The following ARHGAP21 variants were observed in gnomAD, a reference collection of about 807,000 sequenced individuals.
The protein encoded by ARHGAP21 is rho GTPase-activating protein 21.
A neutral mutation model predicts 164.6 loss-of-function variants in ARHGAP21; 38 were observed. The ratio of observed to expected loss-of-function variants is 0.23; its 90% confidence interval spans 0.18 to 0.30. The LOEUF (loss-of-function observed/expected upper bound fraction) is 0.30. ARHGAP21 is among the 10% of genes least tolerant of loss of function. ARHGAP21 has a pLI of 1.00. For missense variants in ARHGAP21, 1,822 were observed against 2,370.7 expected (o/e 0.77, Z 4.81); for synonymous variants, 766 against 857.9 (o/e 0.89, Z 1.87).
intron 4 of ARHGAP21, chr10:24,648,852 G>A: frequency 2.0e-6 from 2 of 984,144 alleles, no homozygotes; most frequent in Non-Finnish European, 2.4e-6. Context: ...CTTTATATCT[G>A]AGGCTCCCAA....
At chr10:24,681,277 T>C (rs1841729642) in intron 2 of ARHGAP21, among the ~76,000 whole-genome samples, 1 of 152,188 alleles carries the variant, frequency 6.6e-6, no homozygotes, top group Non-Finnish European at 1.5e-5. Context: ...GGATGGATCT[T>C]ATAGTTACTA....
rs138893447 is a variant in ARHGAP21 at position 24,595,702 on chromosome 10, C to T, written c.3712+15G>A. The T allele has an allele frequency of 7.7e-5, 123 of 1,602,448 alleles. No homozygotes were observed. The highest frequency in any genetic ancestry group is 7.2e-4 in the Admixed American group (43 of 59,552). On this transcript the variant is annotated intron_variant, in intron 19 of 25. Coordinates refer to ENST00000396432, the MANE Select transcript of ARHGAP21 (RefSeq NM_020824.4). ...GAACCATTTCATCTGGTATCTTTCA[C>T]GGGAGTTAACTCACCATTTGTGAAG...
At chr10:24,622,830 T>C (rs2131218529) in intron 7 of ARHGAP21, 68 bp from the exon 8 acceptor site, 3 of 1,512,438 alleles carry the variant, frequency 2.0e-6, no homozygotes, top group Admixed American at 1.9e-5. Context: ...TGTTGTCATA[T>C]TGATGCTGGA....
chr10:24,654,697 A>G (rs1196030060), intron 4 of ARHGAP21, among the ~76,000 whole-genome samples: 1 of 152,242 alleles, frequency 6.6e-6, no homozygotes. Flanking sequence ...ATACTGCCCA[A>G]AGTAATTTAT....
intron 4 of ARHGAP21, among the ~76,000 whole-genome samples, chr10:24,650,532 C>A (rs1838050670): frequency 6.6e-6 from 1 of 151,994 alleles, no homozygotes; most frequent in Non-Finnish European, 1.5e-5. Context: ...TGTTCTTTAA[C>A]CTTTCAAGTA....
chr10:24,626,466 C>T (rs1835150994), intron 7 of ARHGAP21, among the ~76,000 whole-genome samples: 1 of 152,150 alleles, frequency 6.6e-6, no homozygotes, highest in South Asian at 2.1e-4. Flanking sequence ...TCAGCTCTTC[C>T]ACCAAGTGAA....
At chr10:24,711,636 C>T (rs2132247129) in intron 2 of ARHGAP21, among the ~76,000 whole-genome samples, 1 of 152,228 alleles carries the variant, frequency 6.6e-6, no homozygotes, top group South Asian at 2.1e-4. Flanking sequence ...ACAGCAACAA[C>T]AAAAACACGT....
intron 2 of ARHGAP21, among the ~76,000 whole-genome samples, chr10:24,672,942 T>A (rs1226379477): frequency 5.9e-5 from 9 of 152,162 alleles, no homozygotes; most frequent in African/African-American, 2.2e-4. Context: ...TAAAACTTTT[T>A]AAAATACCAT....
chr10:24,640,423 T>G (rs970985103), intron 4 of ARHGAP21: 5 of 152,094 alleles, frequency 3.3e-5, no homozygotes, highest in African/African-American at 4.8e-5. Flanking sequence ...TCTGCTTTTA[T>G]GAGACTTATT....
chr10:24,632,386 T>C (rs1185336781), intron 6 of ARHGAP21, among the ~76,000 whole-genome samples: 2 of 152,214 alleles, frequency 1.3e-5, no homozygotes, highest in East Asian at 3.8e-4. Flanking sequence ...AAATCTGTTA[T>C]CCCTTGGAGA....
At position 24,604,362 on chromosome 10, in the gene ARHGAP21, A is replaced by T; in HGVS notation, c.2685-14T>A. 1 of 1,566,748 alleles carries T rather than the reference A, an allele frequency of 6.4e-7. No homozygotes were observed. ...TGCTTAAAGGACCTGTTGGGGAAAA[A>T]ATATATAAATATTTTCAATTAGTGC... On this transcript the variant is annotated splice_polypyrimidine_tract_variant and intron_variant, in intron 11 of 25. Coordinates refer to ENST00000396432, the MANE Select transcript of ARHGAP21 (RefSeq NM_020824.4).
chr10:24,590,644 A>T, intron 24 of ARHGAP21: 1 of 1,383,066 alleles, frequency 7.2e-7, no homozygotes, highest in Non-Finnish European at 9.3e-7. Flanking sequence ...GCCTAGAAGA[A>T]CTAATACTTA....
At chr10:24,636,862 A>G (rs1233858630) in intron 4 of ARHGAP21, among the ~76,000 whole-genome samples, 1 of 152,212 alleles carries the variant, frequency 6.6e-6, no homozygotes, top group African/African-American at 2.4e-5. Flanking sequence ...CATTAAACTT[A>G]CAACCCACTA....
intron 2 of ARHGAP21, among the ~76,000 whole-genome samples, chr10:24,700,885 A>G (rs1843610871): frequency 6.6e-6 from 1 of 152,182 alleles, no homozygotes; most frequent in Non-Finnish European, 1.5e-5. Context: ...TGATTCCCTA[A>G]AGTCTAGAGT....
At chr10:24,707,163 T>C (rs1172596914) in intron 2 of ARHGAP21, among the ~76,000 whole-genome samples, 1 of 152,198 alleles carries the variant, frequency 6.6e-6, no homozygotes, top group Non-Finnish European at 1.5e-5. Context: ...CTATTACTTC[T>C]TTGCAAAAGG....
In ARHGAP21 at chr10:24,633,394, ACT is replaced by A; in HGVS notation, c.440+6_440+7del. Reference sequence around the variant, plus strand: ...CATCTTTGGGTTTTAATGTTTTAAGACTCTTACCTGTTTTGAATTAAAGCAAT... The same window carrying A: ...CATCTTTGGGTTTTAATGTTTTAAGACTTACCTGTTTTGAATTAAAGCAAT... On this transcript the variant is annotated splice_donor_region_variant and intron_variant, in intron 6 of 25. Coordinates refer to ENST00000396432, the MANE Select transcript of ARHGAP21 (RefSeq NM_020824.4). The A allele has an allele frequency of 6.3e-7, 1 of 1,589,186 alleles. No individual in the cohort carries two copies. The highest frequency in any genetic ancestry group is 8.6e-7 in the Non-Finnish European group (1 of 1,160,362).
At chr10:24,642,138 C>T (rs1247979524) in intron 4 of ARHGAP21, among the ~76,000 whole-genome samples, 1 of 152,046 alleles carries the variant, frequency 6.6e-6, no homozygotes, top group Non-Finnish European at 1.5e-5. Flanking sequence ...CACTTTAAAA[C>T]ATTTTAATGC....
At chr10:24,678,303 G>C (rs1565150152) in intron 2 of ARHGAP21, among the ~76,000 whole-genome samples, 1 of 151,900 alleles carries the variant, frequency 6.6e-6, no homozygotes, top group Non-Finnish European at 1.5e-5. Context: ...TTCTGTGCAG[G>C]GTTATCACAT....
In ARHGAP21 at chr10:24,723,843, G is replaced by C. The variant is rs938091115; in HGVS notation, c.-662C>G. On this transcript the variant is annotated 5_prime_UTR_variant, in exon 1 of 26. Coordinates refer to ENST00000396432, the MANE Select transcript of ARHGAP21 (RefSeq NM_020824.4). ...CTCTCCCCTCGCCTCGCCGGGCCGG[G>C]CCGGGGCCCAGCTCCGGCGCCCGCG... Among the ~76,000 whole-genome samples the C allele has an allele frequency of 6.7e-6, 1 of 150,296 alleles. No homozygotes were observed. The highest frequency in any genetic ancestry group is 1.5e-5 in the Non-Finnish European group (1 of 67,494).
Sources: gnomAD v4.1 joint callset for allele counts (sites outside exome capture counted in the v4.1 genomes callset) on GRCh38, gnomAD v4.1.1 for gene constraint, MANE v1.5 for transcripts, NCBI Gene and HGNC (gene_info 2026-07-23, HGNC 2026-07-21) for gene names.